Variants in ARVCF observed in about 807,000 individuals in gnomAD.
ARVCF encodes the protein splicing regulator ARVCF.
Under a neutral mutation model 90.9 loss-of-function variants are expected in ARVCF, and 66 were observed. That is an observed-to-expected ratio of 0.73 (90% CI 0.60 to 0.89). ARVCF has a LOEUF of 0.89. ARVCF is among the 40% of genes least tolerant of loss of function. The pLI, the probability that ARVCF is intolerant of heterozygous loss-of-function variation, is 0.00. For missense variants in ARVCF, 1,469 were observed against 1,382.3 expected (o/e 1.06, Z -1.00); for synonymous variants, 653 against 603.4 (o/e 1.08, Z -1.21).
intron 19 of ARVCF, 128 bp downstream of exon 19, chr22:19,971,088 G>A (rs1466627488): frequency 8.8e-6 from 13 of 1,473,742 alleles, no homozygotes; most frequent in Admixed American, 4.0e-5. Context: ...CTGGGCTGCT[G>A]GACTGGAGGC....
rs768589776 is a variant in ARVCF, at chr22:19,977,499, C to T, written c.1786G>A (p.Glu596Lys). ...VPGADRYQEAEPGPLGSAVGS... is the reference protein window; with the variant it reads ...VPGADRYQEAKPGPLGSAVGS... ...ACAGCACTGCCCAGGGGCCCGGGCTCGGCCTCCTGGTACCTGTCGGCCCCG... is the reference window on the plus strand; with the variant it reads ...ACAGCACTGCCCAGGGGCCCGGGCTTGGCCTCCTGGTACCTGTCGGCCCCG... The change falls in exon 9 of 20, where the codon GAG (glutamate) becomes AAG (lysine). Residue 596 changes from glutamate (E) to lysine (K), a missense_variant. By Grantham distance (56) the Glu-to-Lys change is moderately conservative (BLOSUM62 1). Transcript: ENST00000263207. 5.6e-6 allele frequency: 9 copies of T among 1,599,146 alleles called. No homozygotes were observed. The highest frequency in any genetic ancestry group is 3.3e-5 in the South Asian group (3 of 90,082).
At chr22:19,971,740 TG>T in intron 18 of ARVCF, 145 bp downstream of exon 18, 1 of 811,718 alleles carries the variant, frequency 1.2e-6, no homozygotes, top group Non-Finnish European at 2.0e-6. Context: ...CTGACTGGCG[TG>T]AAGGGGCTGC....
chr22:20,016,313 G>C (rs529136563), intron 1 of ARVCF, among the ~76,000 whole-genome samples: 12 of 152,244 alleles, frequency 7.9e-5, no homozygotes, highest in African/African-American at 2.2e-4. Flanking sequence ...ACGCCCGGAC[G>C]GGTAGGGTAG....
At chr22:20,007,063 G>A (rs1026005346) in intron 2 of ARVCF, among the ~76,000 whole-genome samples, 8 of 152,036 alleles carry the variant, frequency 5.3e-5, no homozygotes, top group African/African-American at 1.7e-4. Flanking sequence ...AGACCAACCT[G>A]GGCAACATGG....
chr22:19,969,907 C>G lies in ARVCF; in HGVS notation c.*849G>C. The stretch of plus-strand genomic sequence containing the variant: ...CAGAAAGCAAAAAGTTCCTTTGCTG[C>G]TTTAATTTTTAAATTTTCTTACAAA... On this transcript the variant is annotated 3_prime_UTR_variant, in exon 20 of 20. Coordinates refer to ENST00000263207, the MANE Select transcript of ARVCF (RefSeq NM_001670.3). 1 of 985,498 alleles carries G rather than the reference C, an allele frequency of 1.0e-6. No individual in the cohort carries two copies. Among genetic ancestry groups the G allele is most frequent in the Non-Finnish European group, 1.2e-6 (1 of 829,926 alleles). 61.0% of individuals were successfully genotyped at this position (985,498 alleles called of 1,614,324 possible).
At chr22:19,968,096 C>G (rs572894585), downstream of ARVCF, among the ~76,000 whole-genome samples, 1 of 152,318 alleles carries the variant, frequency 6.6e-6, no homozygotes, top group South Asian at 2.1e-4. Flanking sequence ...CTCAGCCCTG[C>G]AGGGTCACCC....
Position 19,973,326 on chromosome 22 carries a change from C to G in ARVCF, c.2240-9G>C. The G allele has an allele frequency of 1.3e-6, 2 of 1,588,506 alleles. No individual in the cohort carries two copies. Among genetic ancestry groups the G allele is most frequent in the South Asian group, 1.1e-5 (1 of 89,130 alleles). ...AGCCATGGCGTAGCTCCCTGAGGGG[C>G]AGGACTAGGTGTCAGAACACACCTC... On this transcript the variant is annotated splice_polypyrimidine_tract_variant and intron_variant, in intron 13 of 19. Transcript: ENST00000263207.
At chr22:19,998,021 A>G (rs1944317174) in intron 2 of ARVCF, among the ~76,000 whole-genome samples, 1 of 152,214 alleles carries the variant, frequency 6.6e-6, no homozygotes, top group Admixed American at 6.5e-5. Flanking sequence ...GGACCAAAGC[A>G]TCCCTGAGGA....
chr22:20,011,969 T>C (rs2531697), intron 1 of ARVCF, among the ~76,000 whole-genome samples: 139,595 of 152,002 alleles, frequency 0.92, 64,682 homozygotes, highest in African/African-American at 0.97. Flanking sequence ...CTACCAGGTG[T>C]CTCAGGTTGG....
intron 2 of ARVCF, among the ~76,000 whole-genome samples, chr22:20,008,188 C>T (rs1169568407): frequency 6.6e-6 from 1 of 152,140 alleles, no homozygotes; most frequent in Non-Finnish European, 1.5e-5. Flanking sequence ...ACATCAAAAC[C>T]CAAGAGAAGG....
At chr22:19,968,657 C>A (rs372535915), downstream of ARVCF, 39 of 1,613,950 alleles carry the variant, frequency 2.4e-5, no homozygotes, top group Non-Finnish European at 2.9e-5. Context: ...CACTACCAAT[C>A]GTTCCTGGAA....
chr22:19,981,870 C>T, intron 4 of ARVCF, 63 bp downstream of exon 4: 2 of 1,587,782 alleles, frequency 1.3e-6, no homozygotes. Flanking sequence ...GTCCACTCTG[C>T]AGGTGGGACA....
chr22:20,015,976 TCA>T (rs1865534870), intron 1 of ARVCF, among the ~76,000 whole-genome samples: 1 of 151,570 alleles, frequency 6.6e-6, no homozygotes, highest in African/African-American at 2.4e-5. Context: ...GCAGTCTCCC[TCA>T]GAGTGGAGAT....
intron 2 of ARVCF, among the ~76,000 whole-genome samples, chr22:19,993,406 T>C (rs1944103174): frequency 6.6e-6 from 1 of 152,210 alleles, no homozygotes; most frequent in South Asian, 2.1e-4. Flanking sequence ...GAAAGCAAAA[T>C]GTGCATGGAT....
At chr22:19,979,639 G>C in intron 6 of ARVCF, 104 bp downstream of exon 6, 5 of 1,446,626 alleles carry the variant, frequency 3.5e-6, no homozygotes, top group Non-Finnish European at 4.6e-6. Context: ...TGCCTACCGG[G>C]TGCTTTCCCA....
At position 19,973,801 on chromosome 22, in the gene ARVCF, G is replaced by A. The variant is rs1942989221; in HGVS notation, c.2089-8C>T. 6.2e-7 allele frequency: 1 copy of A among 1,600,366 alleles called. No homozygotes were observed. The highest frequency in any genetic ancestry group is 8.5e-7 in the Non-Finnish European group (1 of 1,176,768). ...GCGGATGTACGTGGCCCACTGCGGA[G>A]GCGGGGAGAGGGTTGCTCAGACATA... On this transcript the variant is annotated splice_region_variant and splice_polypyrimidine_tract_variant and intron_variant, in intron 12 of 19. Coordinates refer to ENST00000263207, the MANE Select transcript of ARVCF (RefSeq NM_001670.3).
intron 2 of ARVCF, among the ~76,000 whole-genome samples, chr22:19,996,031 G>C (rs1405825090): frequency 2.6e-5 from 4 of 152,226 alleles, no homozygotes; most frequent in Non-Finnish European, 5.9e-5. Flanking sequence ...TGCCCCTACT[G>C]TGGTCAGATG....
chr22:19,995,678 T>TA (rs368482271), intron 2 of ARVCF, among the ~76,000 whole-genome samples: 93 of 152,160 alleles, frequency 6.1e-4, no homozygotes, highest in African/African-American at 2.2e-3. Context: ...GTTGAGGAAT[T>TA]AGAGGAATTT....
At position 20,012,085 on chromosome 22, in the gene ARVCF, C is replaced by CT. The variant is rs554090670; in HGVS notation, c.-72-1578_-72-1577insA. On this transcript the variant is annotated intron_variant, in intron 1 of 19. Coordinates refer to ENST00000263207, the MANE Select transcript of ARVCF (RefSeq NM_001670.3). ...GCCTCCAGGCCTCCCAAAGTCCCCC[C>CT]CCCCCACCCAGTTGGGGAAGTGTGA... Among the ~76,000 whole-genome samples the CT allele has an allele frequency of 7.8e-5, 11 of 140,626 alleles. No homozygotes were observed. In the South Asian group the frequency reaches 1.3e-3, roughly 16 times the overall value. 92.3% of individuals were successfully genotyped at this position (140,626 alleles called of 152,430 possible).
Sources: gnomAD v4.1 joint callset for allele counts (sites outside exome capture counted in the v4.1 genomes callset) on GRCh38, gnomAD v4.1.1 for gene constraint, MANE v1.5 for transcripts, NCBI Gene and HGNC (gene_info 2026-07-23, HGNC 2026-07-21) for gene names.